Variants in LRMDA observed in about 807,000 individuals in gnomAD.
LRMDA encodes leucine-rich melanocyte differentiation-associated protein.
A neutral mutation model predicts 29.8 loss-of-function variants in LRMDA; 18 were observed. The ratio of observed to expected loss-of-function variants is 0.60; its 90% CI spans 0.42 to 0.90. LRMDA has a LOEUF of 0.90. Ranked by LOEUF, LRMDA falls within the 40% of genes least tolerant of loss-of-function variation. LRMDA has a pLI of 0.00. For synonymous variants in LRMDA, 125 were observed against 109.4 expected (o/e 1.14, Z -0.89); for missense variants, 273 against 273.9 (o/e 1.00, Z 0.02).
chr10:76,011,970 G>A (rs967832989), intron 2 of LRMDA, among the ~76,000 whole-genome samples: 3 of 152,134 alleles, frequency 2.0e-5, no homozygotes, highest in African/African-American at 7.2e-5. Context: ...TCCAGGATAG[G>A]AGGAGGAGGA....
At chr10:75,449,528 T>C (rs201641071) in intron 2 of LRMDA, among the ~76,000 whole-genome samples, 2 of 60,514 alleles carry the variant, frequency 3.3e-5, no homozygotes, top group Admixed American at 3.0e-4. Context: ...GAAGTTTCCT[T>C]CTTTTTTTTT....
At chr10:76,035,292 C>A (rs1848221700) in intron 2 of LRMDA, among the ~76,000 whole-genome samples, 2 of 151,818 alleles carry the variant, frequency 1.3e-5, no homozygotes, top group Admixed American at 6.6e-5. Context: ...TCTCCCCACC[C>A]GCAGCAAAAA....
intron 5 of LRMDA, among the ~76,000 whole-genome samples, chr10:76,147,554 C>G (rs1850351885): frequency 6.6e-6 from 1 of 152,220 alleles, no homozygotes; most frequent in East Asian, 1.9e-4. Flanking sequence ...TTAAGGACTT[C>G]TCTGCATTGG....
intron 5 of LRMDA, among the ~76,000 whole-genome samples, chr10:76,094,836 C>G (rs892840295): frequency 6.6e-6 from 1 of 152,162 alleles, no homozygotes; most frequent in Non-Finnish European, 1.5e-5. Flanking sequence ...AACCACCCCC[C>G]AGTGCCCGCC....
rs756023731 is a variant in LRMDA at position 76,077,992 on chromosome 10, A to ATTTTTTTTTTTTTTT, written c.516+19231_516+19245dup. ...TCCTACCCCTAACTGCAATATTAAC[A>ATTTTTTTTTTTTTTT]TTTTTTTTTTTTTTTTTTTTTTTTT... On this transcript the variant is annotated intron_variant, in intron 5 of 6. Coordinates refer to ENST00000611255, the MANE Select transcript of LRMDA (RefSeq NM_001305581.2). 6.2e-5 allele frequency among the ~76,000 whole-genome samples: 3 copies of ATTTTTTTTTTTTTTT among 48,082 alleles called. 1 individual carries two copies. The highest frequency in any genetic ancestry group is 1.1e-4 in the Non-Finnish European group (3 of 27,526). 31.5% of individuals were successfully genotyped at this position (48,082 alleles called of 152,430 possible).
At chr10:76,437,839 A>C (rs1305677337) in intron 6 of LRMDA, among the ~76,000 whole-genome samples, 1 of 152,186 alleles carries the variant, frequency 6.6e-6, no homozygotes, top group African/African-American at 2.4e-5. Context: ...TCATTGCTAA[A>C]GCTTCCTCTG....
At chr10:76,063,400 G>A (rs1196931520) in intron 5 of LRMDA, among the ~76,000 whole-genome samples, 2 of 152,152 alleles carry the variant, frequency 1.3e-5, no homozygotes, top group Non-Finnish European at 2.9e-5. Context: ...TGTTCTGGGA[G>A]GTATGTGTAC....
At chr10:76,155,703 C>T (rs557344952) in intron 5 of LRMDA, among the ~76,000 whole-genome samples, 16 of 152,130 alleles carry the variant, frequency 1.1e-4, no homozygotes, top group African/African-American at 3.6e-4. Flanking sequence ...TTCACATCCA[C>T]GTTGATATTG....
chr10:75,759,379 A>G (rs531333757), intron 2 of LRMDA, among the ~76,000 whole-genome samples: 2 of 152,326 alleles, frequency 1.3e-5, no homozygotes, highest in Admixed American at 6.5e-5. Context: ...TAATTAACTT[A>G]TACTCTATAG....
At chr10:75,801,260 C>CT (rs1843739716) in intron 2 of LRMDA, among the ~76,000 whole-genome samples, 1 of 152,240 alleles carries the variant, frequency 6.6e-6, no homozygotes, top group African/African-American at 2.4e-5. Flanking sequence ...TTTCCTCCCT[C>CT]TGTCACCTGT....
chr10:75,646,090 C>T (rs1482740793), intron 2 of LRMDA, among the ~76,000 whole-genome samples: 1 of 151,546 alleles, frequency 6.6e-6, no homozygotes, highest in African/African-American at 2.4e-5. Context: ...TCTCCCTCCC[C>T]CCACATTCTT....
chr10:76,388,038 C>A (rs530576244), intron 6 of LRMDA, among the ~76,000 whole-genome samples: 1 of 151,968 alleles, frequency 6.6e-6, no homozygotes, highest in Non-Finnish European at 1.5e-5. Context: ...ATTCTTTGAA[C>A]GAAAAATGTA....
intron 6 of LRMDA, among the ~76,000 whole-genome samples, chr10:76,359,929 T>C (rs1464914199): frequency 2.0e-5 from 3 of 152,180 alleles, no homozygotes; most frequent in Non-Finnish European, 4.4e-5. Context: ...GAATTAGTTA[T>C]TAATCTCAGG....
chr10:75,705,646 G>T (rs1334179828), intron 2 of LRMDA, among the ~76,000 whole-genome samples: 2 of 152,220 alleles, frequency 1.3e-5, no homozygotes, highest in Non-Finnish European at 2.9e-5. Context: ...GAGCGATGAT[G>T]ATGAGTAGGT....
intron 2 of LRMDA, among the ~76,000 whole-genome samples, chr10:75,660,070 CCTCT>C (rs367781609): frequency 1.7e-4 from 26 of 151,146 alleles, no homozygotes; most frequent in African/African-American, 5.3e-4. Context: ...TGTCTTTCTC[CCTCT>C]CTCTCTCTCT....
intron 3 of LRMDA, among the ~76,000 whole-genome samples, chr10:76,039,440 A>T (rs927632094): frequency 6.6e-6 from 1 of 152,126 alleles, no homozygotes; most frequent in Non-Finnish European, 1.5e-5. Context: ...TTTATTTTAA[A>T]TTTTTTTGGT....
In LRMDA at chr10:76,557,746, A is replaced by AAAT. The variant is rs1380354841; in HGVS notation, c.*460_*462dup. 1 of 163,056 alleles carries AAAT rather than the reference A, an allele frequency of 6.1e-6. No homozygotes were observed. The highest frequency in any genetic ancestry group is 1.3e-5 in the Non-Finnish European group (1 of 75,088). The allele number at this position is 163,056 out of a possible 1,614,324, so 10.1% of individuals were successfully genotyped here. A position where few individuals can be genotyped will look rare whatever the true frequency, so the allele number is the denominator to read the frequency against. On this transcript the variant is annotated 3_prime_UTR_variant, in exon 7 of 7. Transcript: ENST00000611255. ...TCGTGCTGTGGGCTTATTTTTAGTG[A>AAAT]AATAGTCACAGTTTAGGGGATGGCC...
intron 5 of LRMDA, among the ~76,000 whole-genome samples, chr10:76,090,828 C>T (rs1045101238): frequency 2.6e-5 from 4 of 151,990 alleles, no homozygotes; most frequent in Admixed American, 1.3e-4. Context: ...GAAGAGGGGT[C>T]GTGAGGGGCT....
intron 2 of LRMDA, among the ~76,000 whole-genome samples, chr10:75,699,640 A>G (rs529501359): frequency 6.6e-6 from 1 of 152,346 alleles, no homozygotes; most frequent in South Asian, 2.1e-4. Flanking sequence ...GAAAAAGAGT[A>G]TCATGATTTA....
Sources: gnomAD v4.1 joint callset for allele counts (sites outside exome capture counted in the v4.1 genomes callset) on GRCh38, gnomAD v4.1.1 for gene constraint, MANE v1.5 for transcripts, NCBI Gene and HGNC (gene_info 2026-07-23, HGNC 2026-07-21) for gene names.